Variants in TMEM97 observed in about 807,000 individuals in gnomAD.
TMEM97 encodes the protein sigma intracellular receptor 2.
A neutral mutation model predicts 18.3 loss-of-function variants in TMEM97; 13 were observed. That is an observed-to-expected ratio of 0.71 (90% CI 0.46 to 1.13). The LOEUF is 1.13. Among genes scored for constraint, TMEM97 ranks in the 50% most tolerant of loss-of-function variants. The probability of loss-of-function intolerance (pLI) is 0.00; values close to 1 mark genes in which losing one functional copy is unlikely to be tolerated. For missense variants in TMEM97, 205 were observed against 210.5 expected (o/e 0.97, Z 0.16); for synonymous variants, 76 against 85.3 (o/e 0.89, Z 0.60).
At chr17:28,322,125 C>A (rs1906171133) in intron 1 of TMEM97, among the ~76,000 whole-genome samples, 1 of 152,094 alleles carries the variant, frequency 6.6e-6, no homozygotes, top group Non-Finnish European at 1.5e-5. Flanking sequence ...AGTTAAAAAA[C>A]CTGTAGGAGA....
intron 1 of TMEM97, among the ~76,000 whole-genome samples, chr17:28,323,093 G>T (rs1474388735): frequency 6.6e-6 from 1 of 151,770 alleles, no homozygotes; most frequent in African/African-American, 2.4e-5. Flanking sequence ...GAGATTAAAG[G>T]CCTTGCCTAA....
At chr17:28,319,478 T>A in intron 1 of TMEM97, 113 bp downstream of exon 1, 3 of 1,309,708 alleles carry the variant, frequency 2.3e-6, no homozygotes, top group Non-Finnish European at 3.0e-6. Flanking sequence ...CTCTCTCGGG[T>A]CCTGCCCATG....
At chr17:28,321,388 C>T (rs1906134669) in intron 1 of TMEM97, among the ~76,000 whole-genome samples, 1 of 152,186 alleles carries the variant, frequency 6.6e-6, no homozygotes. Flanking sequence ...TTAAAAGGTG[C>T]TCAGCATCAT....
chr17:28,320,815 T>G (rs1555574843), intron 1 of TMEM97, among the ~76,000 whole-genome samples: 1 of 152,222 alleles, frequency 6.6e-6, no homozygotes, highest in African/African-American at 2.4e-5. Flanking sequence ...TTCCTTGGCT[T>G]GTGTTCACGT....
intron 1 of TMEM97, among the ~76,000 whole-genome samples, chr17:28,323,245 C>T (rs782101150): frequency 6.6e-6 from 1 of 152,028 alleles, no homozygotes; most frequent in Non-Finnish European, 1.5e-5. Context: ...TGGTTGGTTA[C>T]GATTATGATA....
rs1555575366 is a variant in TMEM97, at chr17:28,325,566, G to A, written c.190G>A (p.Ala64Thr). The change falls in exon 2 of 3, where the codon GCC becomes ACC. Residue 64 changes from alanine to threonine, a missense_variant. Transcript: ENST00000226230. ...AGACCCACTGCTACAGGAGCCCCCAGCCTGGTTTAAGTCCTTTCTGTTTTG... is the reference window on the plus strand; with the variant it reads ...AGACCCACTGCTACAGGAGCCCCCAACCTGGTTTAAGTCCTTTCTGTTTTG... ...FKDPLLQEPP[A>T]WFKSFLFCEL... The A allele has an allele frequency of 6.2e-7, 1 of 1,614,210 alleles. No individual in the cohort carries two copies. The highest frequency in any genetic ancestry group is 2.2e-5 in the East Asian group (1 of 44,894).
rs533085309 is a variant in TMEM97 at position 28,320,127 on chromosome 17, T to G, written c.126+762T>G. On this transcript the variant is annotated intron_variant, in intron 1 of 2. Transcript: ENST00000226230. ...CTGTGACCTTCTTCCATGGAATTCC[T>G]GTCCTCAGTTTTGTTTCTCCATCTT... Among the ~76,000 whole-genome samples the G allele has an allele frequency of 3.9e-5, 6 of 152,312 alleles. No individual in the cohort carries two copies. The South Asian group carries it at 1.2e-3, about 32-fold the overall frequency.
In TMEM97 at chr17:28,326,853, A is replaced by C. The variant is rs1295756901; in HGVS notation, c.*60A>C. 1.3e-6 allele frequency: 2 copies of C among 1,559,362 alleles called. No homozygotes were observed. Among genetic ancestry groups the C allele is most frequent in the African/African-American group, 2.7e-5 (2 of 72,912 alleles). On this transcript the variant is annotated 3_prime_UTR_variant, in exon 3 of 3. Transcript: ENST00000226230. The stretch of plus-strand genomic sequence containing the variant: ...ACAGGGTGGTTGCTTGTTGGATACA[A>C]TACAAGGAACACTGCTCAGAACCCA...
chr17:28,322,865 T>C (rs1239445308), intron 1 of TMEM97, among the ~76,000 whole-genome samples: 3 of 152,194 alleles, frequency 2.0e-5, no homozygotes, highest in Non-Finnish European at 4.4e-5. Context: ...TTACCTTTGG[T>C]AGGGAGGCCA....
At position 28,322,028 on chromosome 17, in the gene TMEM97, C is replaced by G. The variant is rs76167307; in HGVS notation, c.126+2663C>G. 5.9e-3 allele frequency among the ~76,000 whole-genome samples: 898 copies of G among 152,140 alleles called. 12 individuals are homozygous for G. The highest frequency in any genetic ancestry group is 0.021 in the African/African-American group (855 of 41,482). ...CTATGGGGCAAATAATAATAAACGC[C>G]TTGAGTTATTCTCATATTCTCTTTG... On this transcript the variant is annotated intron_variant, in intron 1 of 2. Coordinates refer to ENST00000226230, the MANE Select transcript of TMEM97 (RefSeq NM_014573.3).
chr17:28,328,447 C>A lies in TMEM97; in HGVS notation c.*1654C>A. ...GCATAAGAGGTGAGAACGTACACTG[C>A]AGGGCCACCAGCAGCAGCTGTGCAC... On this transcript the variant is annotated 3_prime_UTR_variant, in exon 3 of 3. Transcript: ENST00000226230. 1 of 566,830 alleles carries A rather than the reference C, an allele frequency of 1.8e-6. No homozygotes were observed. The highest frequency in any genetic ancestry group is 3.1e-6 in the Non-Finnish European group (1 of 320,894). 35.1% of individuals were successfully genotyped at this position (566,830 alleles called of 1,614,324 possible). A position where few individuals can be genotyped will look rare whatever the true frequency, so the allele number is the denominator to read the frequency against.
chr17:28,326,154 CA>C (rs1423671556), intron 2 of TMEM97, among the ~76,000 whole-genome samples: 1 of 152,208 alleles, frequency 6.6e-6, no homozygotes, highest in Non-Finnish European at 1.5e-5. Flanking sequence ...TTCCCATTGG[CA>C]CCCCCTGGGG....
intron 2 of TMEM97, 132 bp downstream of exon 2, chr17:28,325,779 TAGCC>T (rs1906310969): frequency 2.4e-6 from 3 of 1,261,452 alleles, no homozygotes; most frequent in Non-Finnish European, 3.3e-6. Flanking sequence ...CTGGGGTAAA[TAGCC>T]AGGGTAGATC....
Position 28,328,494 on chromosome 17 carries a change from C to G in TMEM97, c.*1701C>G. On this transcript the variant is annotated 3_prime_UTR_variant, in exon 3 of 3. Coordinates refer to ENST00000226230, the MANE Select transcript of TMEM97 (RefSeq NM_014573.3). Reference sequence around the variant, plus strand: ...GCACTGATGTTAAAACTGGCTCCCCCAGACTTGTAGTGCTGTCTTCAGGGG... The same window carrying G: ...GCACTGATGTTAAAACTGGCTCCCCGAGACTTGTAGTGCTGTCTTCAGGGG... 1 of 644,378 alleles carries G rather than the reference C, an allele frequency of 1.6e-6. No homozygotes were observed. Among genetic ancestry groups the G allele is most frequent in the Non-Finnish European group, 2.8e-6 (1 of 359,140 alleles). 39.9% of individuals were successfully genotyped at this position (644,378 alleles called of 1,614,324 possible).
intron 1 of TMEM97, among the ~76,000 whole-genome samples, chr17:28,324,234 G>A (rs1220138793): frequency 6.6e-6 from 1 of 152,136 alleles, no homozygotes; most frequent in Non-Finnish European, 1.5e-5. Flanking sequence ...AGGAAGCGAA[G>A]GGCATTGCTA....
Position 28,326,773 on chromosome 17 carries a change from G to C in TMEM97, c.511G>C (p.Glu171Gln). Residue 171 changes from glutamate to glutamine, a missense_variant, in exon 3 of 3, where the codon GAG (glutamate) becomes CAG (glutamine). Glu to Gln is a conservative substitution (Grantham distance 29). Coordinates refer to ENST00000226230, the MANE Select transcript of TMEM97 (RefSeq NM_014573.3). ...GCGGAGCCCCTACTACAAGTATGAA[G>C]AGAAAAGAAAAAAAAAATGAAGGAA... ...MLRSPYYKYE[E>Q]KRKKK 6.2e-7 allele frequency: 1 copy of C among 1,606,112 alleles called. No homozygotes were observed. The highest frequency in any genetic ancestry group is 8.5e-7 in the Non-Finnish European group (1 of 1,177,792).
Position 28,326,792 on chromosome 17 carries a change from G to T in TMEM97, c.530G>T (p.Ter177LeuextTer63). Residue 177 changes from the stop codon to leucine (L), a stop_lost, in exon 3 of 3, where the codon TGA (stop) becomes TTA (leucine). Transcript: ENST00000226230. ...TATGAAGAGAAAAGAAAAAAAAAAT[G>T]AAGGAAACAACCACTGGCCCAGGGT... ...YKYEEKRKKK* is the reference protein window; with the variant it reads ...YKYEEKRKKKL The T allele has an allele frequency of 4.3e-6, 7 of 1,609,476 alleles. No individual in the cohort carries two copies. The highest frequency in any genetic ancestry group is 5.9e-6 in the Non-Finnish European group (7 of 1,179,244).
chr17:28,321,445 A>T (rs1227393257), intron 1 of TMEM97, among the ~76,000 whole-genome samples: 1 of 152,116 alleles, frequency 6.6e-6, no homozygotes, highest in Non-Finnish European at 1.5e-5. Flanking sequence ...AAATTTTCTC[A>T]GTCTTTTTTT....
intron 1 of TMEM97, among the ~76,000 whole-genome samples, chr17:28,321,448 C>CT (rs1350787889): frequency 1.3e-5 from 2 of 151,918 alleles, no homozygotes; most frequent in African/African-American, 2.4e-5. Flanking sequence ...TTTTCTCAGT[C>CT]TTTTTTTTAG....
Sources: allele counts gnomAD v4.1 joint callset (sites outside exome capture counted in the v4.1 genomes callset), GRCh38; gene constraint gnomAD v4.1.1; transcripts MANE v1.5; gene names NCBI Gene and HGNC (gene_info 2026-07-23, HGNC 2026-07-21).